The following PCDH9 variants were observed in gnomAD, a reference collection of about 807,000 sequenced individuals.
PCDH9 encodes the protein protocadherin-9.
PCDH9 carries 24 observed loss-of-function variants against 70.6 expected under a neutral mutation model. That is an observed-to-expected ratio of 0.34 (90% CI 0.25 to 0.48). The LOEUF is 0.48. PCDH9 is among the 20% of genes least tolerant of loss of function. The pLI is 0.99. For missense variants in PCDH9, 1,281 were observed against 1,503.6 expected, an observed-to-expected ratio of 0.85 and a Z score of 2.45; for synonymous variants, 562 against 558.5, an observed-to-expected ratio of 1.01 and a Z score of -0.09.
intron 3 of PCDH9, among the ~76,000 whole-genome samples, chr13:66,828,301 T>C (rs189479273): frequency 1.1e-4 from 16 of 152,304 alleles, no homozygotes; most frequent in Admixed American, 9.2e-4. Context: ...CAAAGCATGA[T>C]AATTTCTGCA....
intron 3 of PCDH9, among the ~76,000 whole-genome samples, chr13:66,681,905 A>T (rs1314946799): frequency 6.7e-6 from 1 of 148,900 alleles, no homozygotes; most frequent in African/African-American, 2.5e-5. Context: ...GAAGTTAAAG[A>T]TATGTTTAGT....
At chr13:66,367,049 A>C (rs2138206736) in intron 4 of PCDH9, among the ~76,000 whole-genome samples, 1 of 152,138 alleles carries the variant, frequency 6.6e-6, no homozygotes, top group African/African-American at 2.4e-5. Flanking sequence ...TAATCTTCAC[A>C]GCTTTTTGTG....
intron 2 of PCDH9, among the ~76,000 whole-genome samples, chr13:66,947,948 G>T (rs2083115464): frequency 6.6e-6 from 1 of 152,068 alleles, no homozygotes. Flanking sequence ...GTAGTTATTG[G>T]AACTATCTAA....
intron 3 of PCDH9, among the ~76,000 whole-genome samples, chr13:66,704,152 A>T (rs2078682708): frequency 6.6e-6 from 1 of 152,210 alleles, no homozygotes; most frequent in Non-Finnish European, 1.5e-5. Flanking sequence ...TAGCTCTCAT[A>T]TAGAAACTAA....
At position 66,560,434 on chromosome 13, in the gene PCDH9, G is replaced by C. The variant is rs1378873492; in HGVS notation, c.3340+70776C>G. Among the ~76,000 whole-genome samples, 3 of 150,928 alleles carry C rather than the reference G, an allele frequency of 2.0e-5. 1 individual carries two copies. The highest frequency in any genetic ancestry group is 5.0e-5 in the African/African-American group (2 of 40,288). On this transcript the variant is annotated intron_variant, in intron 4 of 4. Coordinates refer to ENST00000377865, the MANE Select transcript of PCDH9 (RefSeq NM_203487.3). ...CACAATGTAAGGAGCTGGACCTTGT[G>C]CACTCTTGCTCCTCTCTTGCTGTGA...
chr13:67,070,379 G>C (rs1268251601), intron 2 of PCDH9, among the ~76,000 whole-genome samples: 2 of 152,086 alleles, frequency 1.3e-5, no homozygotes, highest in Non-Finnish European at 1.5e-5. Flanking sequence ...CAGCTATTAA[G>C]AGGTTTCTGA....
intron 4 of PCDH9, among the ~76,000 whole-genome samples, chr13:66,597,428 G>A (rs966427434): frequency 4.6e-5 from 7 of 151,784 alleles, no homozygotes; most frequent in African/African-American, 9.6e-5. Flanking sequence ...ATAAACTCAC[G>A]TATATACAGT....
At chr13:67,100,781 G>A (rs565158362) in intron 2 of PCDH9, among the ~76,000 whole-genome samples, 2 of 152,246 alleles carry the variant, frequency 1.3e-5, no homozygotes, top group Admixed American at 6.5e-5. Flanking sequence ...ATTGCTCTAA[G>A]CTATTCATTC....
intron 4 of PCDH9, among the ~76,000 whole-genome samples, chr13:66,315,595 C>T (rs1240926666): frequency 6.6e-6 from 1 of 152,290 alleles, no homozygotes; most frequent in East Asian, 1.9e-4. Context: ...GATTCTCCTG[C>T]CTCCGCCTCC....
chr13:66,941,302 AC>A (rs2083002647), intron 2 of PCDH9, among the ~76,000 whole-genome samples: 1 of 151,830 alleles, frequency 6.6e-6, no homozygotes, highest in South Asian at 2.1e-4. Flanking sequence ...AAATATAAAA[AC>A]ATATTATAAA....
chr13:66,750,782 A>T (rs1263267061), intron 3 of PCDH9, among the ~76,000 whole-genome samples: 1 of 152,142 alleles, frequency 6.6e-6, no homozygotes, highest in Non-Finnish European at 1.5e-5. Flanking sequence ...TTCATAACAA[A>T]TATAAAAATA....
At chr13:66,691,526 A>C (rs112645231) in intron 3 of PCDH9, among the ~76,000 whole-genome samples, 1,730 of 152,296 alleles carry the variant, frequency 0.011, 37 homozygotes, top group African/African-American at 0.039. Flanking sequence ...TTAAATTTAA[A>C]AATACTTGAT....
intron 3 of PCDH9, among the ~76,000 whole-genome samples, chr13:66,635,389 T>C (rs1312018886): frequency 6.6e-6 from 1 of 152,168 alleles, no homozygotes; most frequent in South Asian, 2.1e-4. Flanking sequence ...CCACACTTTA[T>C]TTTCTGTCAG....
intron 3 of PCDH9, among the ~76,000 whole-genome samples, chr13:66,846,128 A>T (rs2081203859): frequency 1.2e-5 from 1 of 82,324 alleles, no homozygotes; most frequent in African/African-American, 3.5e-5. Flanking sequence ...GCAGGGGGAA[A>T]AAAAGACCAA....
chr13:67,195,474 C>G (rs1341431374), intron 2 of PCDH9, among the ~76,000 whole-genome samples: 2 of 152,080 alleles, frequency 1.3e-5, no homozygotes, highest in Non-Finnish European at 2.9e-5. Context: ...CTTAATCTCT[C>G]TTCCTTAATA....
At chr13:66,852,973 AAAGAGAAG>A (rs1200524635) in intron 3 of PCDH9, among the ~76,000 whole-genome samples, 3 of 151,578 alleles carry the variant, frequency 2.0e-5, no homozygotes, top group African/African-American at 7.3e-5. Context: ...CAGAAGGAAA[AAAGAGAAG>A]AAGAGAAATA....
At chr13:66,333,590 CT>C (rs982320402) in intron 4 of PCDH9, among the ~76,000 whole-genome samples, 1 of 152,070 alleles carries the variant, frequency 6.6e-6, no homozygotes, top group Non-Finnish European at 1.5e-5. Flanking sequence ...TTTTGTTTCT[CT>C]TTTTCTTTTG....
At chr13:66,597,160 C>T (rs7985855) in intron 4 of PCDH9, among the ~76,000 whole-genome samples, 3,534 of 151,696 alleles carry the variant, frequency 0.023, 154 homozygotes, top group African/African-American at 0.081. Flanking sequence ...GGTTAGAAGA[C>T]TCAATATTGT....
chr13:66,950,947 A>C lies in PCDH9; in HGVS notation c.3037-47342T>G, dbSNP rs554720703. Among the ~76,000 whole-genome samples the C allele has an allele frequency of 9.9e-5, 14 of 140,776 alleles. 1 individual carries two copies. In the South Asian group the frequency reaches 3.1e-3, roughly 31 times the overall value. 92.4% of individuals were successfully genotyped at this position (140,776 alleles called of 152,430 possible). On this transcript the variant is annotated intron_variant, in intron 2 of 4. Coordinates refer to ENST00000377865, the MANE Select transcript of PCDH9 (RefSeq NM_203487.3). ...TGTGAATTTTCTATCAGATACATTTAACCCTTGGCTTATAAGCAAAAAAAA... is the reference window on the plus strand; with the variant it reads ...TGTGAATTTTCTATCAGATACATTTCACCCTTGGCTTATAAGCAAAAAAAA...
Sources: allele counts gnomAD v4.1 joint callset (sites outside exome capture counted in the v4.1 genomes callset), GRCh38; gene constraint gnomAD v4.1.1; transcripts MANE v1.5; gene names NCBI Gene and HGNC (gene_info 2026-07-23, HGNC 2026-07-21).